TNFRSF10B: variants seen among roughly 807,000 people sequenced by gnomAD.
TNFRSF10B encodes TNF receptor superfamily member 10b, also known as tumor necrosis factor receptor superfamily member 10B.
Under a neutral mutation model 41.4 loss-of-function variants are expected in TNFRSF10B, and 35 were observed. That is an observed-to-expected ratio of 0.85 (90% confidence interval 0.65 to 1.12). The LOEUF (loss-of-function observed/expected upper bound fraction) is 1.12. Among genes scored for constraint, TNFRSF10B ranks in the 50% most tolerant of loss-of-function variants. The pLI is 0.00. For synonymous variants in TNFRSF10B, 230 were observed against 215.5 expected (o/e 1.07, Z -0.59); for missense variants, 584 against 552.7 (o/e 1.06, Z -0.57).
chr8:23,025,009 G>T (rs1441532201), intron 7 of TNFRSF10B, among the ~76,000 whole-genome samples: 3 of 152,042 alleles, frequency 2.0e-5, no homozygotes, highest in African/African-American at 7.2e-5. Context: ...AAATAAGCTG[G>T]GTGTAGTGGC....
chr8:23,047,451 T>C (rs1282653175), intron 1 of TNFRSF10B, among the ~76,000 whole-genome samples: 1 of 150,806 alleles, frequency 6.6e-6, no homozygotes, highest in African/African-American at 2.4e-5. Flanking sequence ...ATACCATACA[T>C]CTGATAAGGG....
chr8:23,049,154 C>A (rs1812448844), intron 1 of TNFRSF10B, among the ~76,000 whole-genome samples: 1 of 152,150 alleles, frequency 6.6e-6, no homozygotes. Context: ...AGTATCGTGG[C>A]AGGCCAGGTT....
At chr8:23,051,243 G>A (rs1404687908) in intron 1 of TNFRSF10B, among the ~76,000 whole-genome samples, 1 of 152,152 alleles carries the variant, frequency 6.6e-6, no homozygotes, top group Non-Finnish European at 1.5e-5. Context: ...CTAGTCAAAT[G>A]CTTTTTCAAG....
intron 1 of TNFRSF10B, among the ~76,000 whole-genome samples, chr8:23,066,682 C>G (rs1812991356): frequency 6.6e-6 from 1 of 151,304 alleles, no homozygotes; most frequent in African/African-American, 2.4e-5. Context: ...CTGAGGCGGG[C>G]AGATCACGAG....
chr8:23,047,989 TG>T (rs1254807208), intron 1 of TNFRSF10B, among the ~76,000 whole-genome samples: 1 of 152,204 alleles, frequency 6.6e-6, no homozygotes, highest in African/African-American at 2.4e-5. Flanking sequence ...AAAGAAAATG[TG>T]GTATGTAGAC....
At chr8:23,054,156 CTT>C (rs1812598137) in intron 1 of TNFRSF10B, among the ~76,000 whole-genome samples, 1 of 152,148 alleles carries the variant, frequency 6.6e-6, no homozygotes, top group Non-Finnish European at 1.5e-5. Flanking sequence ...TTTCTGATAA[CTT>C]TGGAGATTGT....
chr8:23,052,669 G>C (rs1245788303), intron 1 of TNFRSF10B, among the ~76,000 whole-genome samples: 1 of 152,176 alleles, frequency 6.6e-6, no homozygotes, highest in Non-Finnish European at 1.5e-5. Context: ...AAATAAGAGA[G>C]ATATACAGAA....
intron 2 of TNFRSF10B, among the ~76,000 whole-genome samples, chr8:23,042,418 G>A (rs940278100): frequency 7.9e-5 from 12 of 152,194 alleles, no homozygotes; most frequent in South Asian, 2.1e-4. Context: ...GGGGGAAAAG[G>A]GGGAAGAAGT....
rs527877390 is a variant in TNFRSF10B at position 23,061,474 on chromosome 8, T to C, written c.144+7277A>G. On this transcript the variant is annotated intron_variant, in intron 1 of 8. Coordinates refer to ENST00000276431, the MANE Select transcript of TNFRSF10B (RefSeq NM_003842.5). Reference sequence around the variant, plus strand: ...TTTGGATTTTTTACCAGTAAGATCATATCATCTGAAAACACAGATTATTTT... The same window carrying C: ...TTTGGATTTTTTACCAGTAAGATCACATCATCTGAAAACACAGATTATTTT... Among the ~76,000 whole-genome samples the C allele has an allele frequency of 3.3e-5, 5 of 152,238 alleles. No individual in the cohort carries two copies. In the South Asian group the frequency reaches 1.0e-3, roughly 31 times the overall value.
intron 1 of TNFRSF10B, among the ~76,000 whole-genome samples, chr8:23,059,075 T>G (rs566359395): frequency 1.0e-3 from 152 of 152,272 alleles, no homozygotes; most frequent in African/African-American, 3.5e-3. Context: ...TTGACTACAT[T>G]AGGTACCTCA....
intron 1 of TNFRSF10B, among the ~76,000 whole-genome samples, chr8:23,063,520 T>C (rs183092695): frequency 6.6e-6 from 1 of 152,242 alleles, no homozygotes; most frequent in Non-Finnish European, 1.5e-5. Context: ...CTCTTTCTTA[T>C]TTGGTAATGA....
chr8:23,052,258 A>C (rs976306040), intron 1 of TNFRSF10B, among the ~76,000 whole-genome samples: 6 of 151,748 alleles, frequency 4.0e-5, no homozygotes, highest in African/African-American at 1.5e-4. Flanking sequence ...CATTCTTTCT[A>C]AAGATTGTGT....
intron 1 of TNFRSF10B, among the ~76,000 whole-genome samples, chr8:23,053,006 G>A (rs1812567810): frequency 6.6e-6 from 1 of 152,232 alleles, no homozygotes; most frequent in Non-Finnish European, 1.5e-5. Flanking sequence ...TTTAGAACAA[G>A]TCAGAAAGTC....
At chr8:23,044,619 T>C (rs1476051614) in intron 1 of TNFRSF10B, among the ~76,000 whole-genome samples, 1 of 151,994 alleles carries the variant, frequency 6.6e-6, no homozygotes, top group East Asian at 1.9e-4. Context: ...TAACCAAATG[T>C]ATGGGATGCA....
At chr8:23,053,815 G>A (rs548588208) in intron 1 of TNFRSF10B, among the ~76,000 whole-genome samples, 2 of 152,328 alleles carry the variant, frequency 1.3e-5, no homozygotes, top group South Asian at 4.1e-4. Context: ...AATTATACAG[G>A]AAGCATTGTC....
At chr8:23,051,513 G>T (rs1296945977) in intron 1 of TNFRSF10B, among the ~76,000 whole-genome samples, 4 of 151,364 alleles carry the variant, frequency 2.6e-5, no homozygotes. Context: ...TTTTAATGAA[G>T]ATAGTTACAT....
In TNFRSF10B at chr8:23,068,895, G is replaced by A; in HGVS notation, c.-1C>T. ...GGGCGTTCTGTCCCCGTTGTTCCAT[G>A]GCGGTAGGGAACGCTCTTATAGTCT... On this transcript the variant is annotated 5_prime_UTR_variant, in exon 1 of 9. Coordinates refer to ENST00000276431, the MANE Select transcript of TNFRSF10B (RefSeq NM_003842.5). The A allele has an allele frequency of 6.2e-7, 1 of 1,613,488 alleles. No homozygotes were observed. Among genetic ancestry groups the A allele is most frequent in the South Asian group, 1.1e-5 (1 of 91,084 alleles).
At chr8:23,028,836 A>G (rs1213358136) in intron 4 of TNFRSF10B, among the ~76,000 whole-genome samples, 1 of 152,152 alleles carries the variant, frequency 6.6e-6, no homozygotes, top group African/African-American at 2.4e-5. Context: ...CTGCAGTTCC[A>G]GGAGCCTTCT....
At chr8:23,068,272 C>G (rs1487743568) in intron 1 of TNFRSF10B, 1 of 178,568 alleles carries the variant, frequency 5.6e-6, no homozygotes, top group Non-Finnish European at 1.2e-5. Context: ...GGGAGTTCTT[C>G]GCCGGCCGCA....
Sources: allele counts gnomAD v4.1 joint callset (sites outside exome capture counted in the v4.1 genomes callset), GRCh38; gene constraint gnomAD v4.1.1; transcripts MANE v1.5; gene names NCBI Gene and HGNC (gene_info 2026-07-23, HGNC 2026-07-21).